Variants in TMEM132C observed in about 807,000 individuals in gnomAD.
TMEM132C encodes the protein protein phosphatase 1, regulatory subunit 152.
TMEM132C carries 29 observed loss-of-function variants against 61.4 expected under a neutral mutation model. That is an observed-to-expected ratio of 0.47 (90% CI 0.35 to 0.64). The LOEUF (loss-of-function observed/expected upper bound fraction) is 0.64, where lower values mean the gene tolerates loss of function less well. TMEM132C is among the 30% of genes least tolerant of loss of function. The pLI is 0.00. For missense variants in TMEM132C, 1,408 were observed against 1,476.9 expected, an observed-to-expected ratio of 0.95 and a Z score of 0.76; for synonymous variants, 656 against 633.1, an observed-to-expected ratio of 1.04 and a Z score of -0.54.
intron 2 of TMEM132C, among the ~76,000 whole-genome samples, chr12:128,536,647 C>T (rs904995240): frequency 6.6e-6 from 1 of 152,142 alleles, no homozygotes; most frequent in Non-Finnish European, 1.5e-5. Context: ...GCAGTGTTCC[C>T]GCATGGGGAC....
chr12:128,285,152 G>A (rs1871015709), intron 1 of TMEM132C, among the ~76,000 whole-genome samples: 1 of 152,116 alleles, frequency 6.6e-6, no homozygotes. Flanking sequence ...AGTGAGGTAG[G>A]AGGGATAAGT....
rs1869947146 is a variant in TMEM132C, at chr12:128,445,463, T to C, written c.974+29843T>C. ...CATTAGGCAGAGCCAGCCCCGTGTG[T>C]GATGGGTCAGGGGTTGTCACTATTG... On this transcript the variant is annotated intron_variant, in intron 2 of 8. Transcript: ENST00000435159. Among the ~76,000 whole-genome samples the C allele has an allele frequency of 2.0e-5, 3 of 152,192 alleles. No homozygotes were observed. The South Asian group carries it at 6.2e-4, about 32-fold the overall frequency.
intron 2 of TMEM132C, among the ~76,000 whole-genome samples, chr12:128,438,498 G>C (rs1299644424): frequency 6.6e-6 from 1 of 152,110 alleles, no homozygotes; most frequent in Non-Finnish European, 1.5e-5. Flanking sequence ...GAACTTTCCA[G>C]TCATCAGAAT....
At chr12:128,648,886 A>C (rs1954238751) in intron 4 of TMEM132C, among the ~76,000 whole-genome samples, 1 of 144,980 alleles carries the variant, frequency 6.9e-6, no homozygotes, top group Admixed American at 6.7e-5. Flanking sequence ...GGAGTCCATC[A>C]GCATTGGATA....
At chr12:128,685,181 G>T (rs1406538078) in intron 5 of TMEM132C, among the ~76,000 whole-genome samples, 1 of 152,104 alleles carries the variant, frequency 6.6e-6, no homozygotes, top group African/African-American at 2.4e-5. Flanking sequence ...AATAGAATAA[G>T]ATAAAAAGGT....
chr12:128,682,562 T>C (rs559928672), intron 5 of TMEM132C, among the ~76,000 whole-genome samples: 2 of 152,344 alleles, frequency 1.3e-5, no homozygotes, highest in East Asian at 3.9e-4. Context: ...GCCTCAGCAC[T>C]GCTGGCGTGG....
intron 1 of TMEM132C, among the ~76,000 whole-genome samples, chr12:128,366,496 T>C (rs2135977214): frequency 6.6e-6 from 1 of 152,288 alleles, no homozygotes; most frequent in East Asian, 1.9e-4. Flanking sequence ...CACAGAACTC[T>C]TTGATGGTTC....
intron 1 of TMEM132C, 149 bp downstream of exon 1, chr12:128,267,636 G>A: frequency 7.8e-6 from 5 of 643,726 alleles, no homozygotes; most frequent in Non-Finnish European, 1.1e-5. Context: ...CGGGTGCCGA[G>A]CCGCCCCTAA....
At chr12:128,329,160 C>A (rs1307348175) in intron 1 of TMEM132C, among the ~76,000 whole-genome samples, 1 of 152,286 alleles carries the variant, frequency 6.6e-6, no homozygotes, top group African/African-American at 2.4e-5. Context: ...CAAAGCATTT[C>A]TATTTGTTTC....
chr12:128,426,575 G>T (rs1434342037), intron 2 of TMEM132C, among the ~76,000 whole-genome samples: 2 of 152,202 alleles, frequency 1.3e-5, no homozygotes, highest in South Asian at 2.1e-4. Flanking sequence ...TCCAAAGGAA[G>T]GGTTTGTTTT....
At chr12:128,530,142 G>C (rs1168155344) in intron 2 of TMEM132C, among the ~76,000 whole-genome samples, 1 of 152,054 alleles carries the variant, frequency 6.6e-6, no homozygotes, top group Admixed American at 6.6e-5. Flanking sequence ...TGTGCAGATG[G>C]AGTCTCCGCA....
chr12:128,536,563 A>C (rs1873537829), intron 2 of TMEM132C, among the ~76,000 whole-genome samples: 1 of 151,446 alleles, frequency 6.6e-6, no homozygotes. Context: ...TGTGGCTGGC[A>C]TGCTATTGCT....
At chr12:128,275,058 A>G (rs1870639454) in intron 1 of TMEM132C, among the ~76,000 whole-genome samples, 1 of 152,226 alleles carries the variant, frequency 6.6e-6, no homozygotes, top group African/African-American at 2.4e-5. Flanking sequence ...GCTGGATGAA[A>G]AATCAACCAA....
chr12:128,426,167 C>G (rs976545908), intron 2 of TMEM132C, among the ~76,000 whole-genome samples: 3 of 152,242 alleles, frequency 2.0e-5, no homozygotes, highest in Non-Finnish European at 4.4e-5. Context: ...AGAATAAACT[C>G]CTCTCCGCCG....
At chr12:128,590,058 C>A (rs1167068112) in intron 3 of TMEM132C, among the ~76,000 whole-genome samples, 1 of 152,198 alleles carries the variant, frequency 6.6e-6, no homozygotes, top group Non-Finnish European at 1.5e-5. Context: ...AAAGAAATTA[C>A]TTCTCTGGGA....
intron 2 of TMEM132C, among the ~76,000 whole-genome samples, chr12:128,454,863 C>T (rs75974337): frequency 0.12 from 18,284 of 152,192 alleles, 1,430 homozygotes; most frequent in East Asian, 0.2. Flanking sequence ...GTCCTGAGGA[C>T]GGGTTGTCAC....
At position 128,570,704 on chromosome 12, in the gene TMEM132C, G is replaced by A. The variant is rs1874847777; in HGVS notation, c.1121+26601G>A. Among the ~76,000 whole-genome samples, 1 of 152,194 alleles carries A rather than the reference G, an allele frequency of 6.6e-6. No homozygotes were observed. Among genetic ancestry groups the A allele is most frequent in the South Asian group, 2.1e-4 (1 of 4,824 alleles). On this transcript the variant is annotated intron_variant, in intron 3 of 8. Transcript: ENST00000435159. This position sits in a 1 kb window ranked among gnomAD's most constrained non-coding sequence, Gnocchi z 4.7. ...CTTTTCTCATGCTCACAGGATGACA[G>A]CTATACCCACAGGCATCTTATTGTG... is the stretch of plus-strand genomic sequence containing the variant.
intron 2 of TMEM132C, among the ~76,000 whole-genome samples, chr12:128,469,475 C>G (rs1870859354): frequency 6.6e-6 from 1 of 151,904 alleles, no homozygotes. Flanking sequence ...ACCACCACAC[C>G]CAGCTAACTT....
chr12:128,297,312 G>A (rs1871444267), intron 1 of TMEM132C, among the ~76,000 whole-genome samples: 3 of 152,204 alleles, frequency 2.0e-5, no homozygotes, highest in South Asian at 2.1e-4. Context: ...GCCTCCTGCC[G>A]ATAGGAGGCC....
Sources: allele counts gnomAD v4.1 joint callset (sites outside exome capture counted in the v4.1 genomes callset), GRCh38; gene constraint gnomAD v4.1.1; non-coding constraint Gnocchi (gnomAD v3.1); transcripts MANE v1.5; gene names NCBI Gene and HGNC (gene_info 2026-07-23, HGNC 2026-07-21).